The following ZNF888 variants were observed in gnomAD, a reference collection of about 807,000 sequenced individuals.
The protein encoded by ZNF888 is zinc finger protein 888.
In ZNF888, 5 loss-of-function variants were observed where a neutral mutation model predicts 7.2. The ratio of observed to expected loss-of-function variants is 0.70; its 90% CI spans 0.36 to 1.46. The LOEUF (loss-of-function observed/expected upper bound fraction) is 1.46. ZNF888 is among the 40% of genes most tolerant of loss of function. The pLI is 0.03. For synonymous variants in ZNF888, 240 were observed against 284.3 expected, an observed-to-expected ratio of 0.84 and a Z score of 1.57; for missense variants, 716 against 858.0, an observed-to-expected ratio of 0.83 and a Z score of 2.07.
At chr19:52,912,990 C>A (rs2064703960) in intron 4 of ZNF888, among the ~76,000 whole-genome samples, 1 of 152,016 alleles carries the variant, frequency 6.6e-6, no homozygotes, top group South Asian at 2.1e-4. Context: ...GCCTGTAATC[C>A]CAGCTACTCC....
At chr19:52,908,932 A>T (rs1240302406) in intron 4 of ZNF888, among the ~76,000 whole-genome samples, 1 of 151,418 alleles carries the variant, frequency 6.6e-6, no homozygotes, top group Non-Finnish European at 1.5e-5. Context: ...GGATCTCCTC[A>T]GATCAGGAGT....
intron 4 of ZNF888, among the ~76,000 whole-genome samples, chr19:52,912,140 A>G (rs1353716666): frequency 3.1e-4 from 38 of 121,044 alleles, no homozygotes; most frequent in East Asian, 3.0e-3. Context: ...TTGAGACGGA[A>G]TCTTGCTCTG....
Position 52,906,288 on chromosome 19 carries a change from T to C in ZNF888, c.2034A>G (p.Ala678=), listed in dbSNP as rs2064606439. 5 of 1,613,284 alleles carry C rather than the reference T, an allele frequency of 3.1e-6. No homozygotes were observed. In the South Asian group the frequency reaches 4.4e-5, roughly 14 times the overall value. The change falls in exon 5 of 5, where the codon GCA becomes GCG. Residue 678 remains alanine (A), a synonymous_variant. Transcript: ENST00000638862. The part of the protein sequence containing the change: ...DKAFKCYSHL[A]QHTRIHTGEK... ...CTCCAGTATGAATTCTAGTATGTTG[T>C]GCCAGGTGTGAGTAACACTTGAAAG...
Position 52,905,675 on chromosome 19 carries a change from C to T in ZNF888, c.*490G>A, listed in dbSNP as rs1392351136. ...ATGCTTGAACTCAACGTTAAGTCAA[C>T]TCAAACTCAAGTCAATGCTGAACTG... On this transcript the variant is annotated 3_prime_UTR_variant, in exon 5 of 5. Transcript: ENST00000638862. 1 of 411,630 alleles carries T rather than the reference C, an allele frequency of 2.4e-6. No homozygotes were observed. Among genetic ancestry groups the T allele is most frequent in the Non-Finnish European group, 4.9e-6 (1 of 204,132 alleles). The allele number at this position is 411,630 out of a possible 1,614,324, so 25.5% of individuals were successfully genotyped here. A position where few individuals can be genotyped will look rare whatever the true frequency, so the allele number is the denominator to read the frequency against.
intron 4 of ZNF888, among the ~76,000 whole-genome samples, chr19:52,910,166 A>G (rs2064660857): frequency 8.0e-6 from 1 of 124,464 alleles, no homozygotes; most frequent in Admixed American, 9.7e-5. Flanking sequence ...AAAAAAAAAA[A>G]AAAAAAAAAA....
At chr19:52,922,030 G>A (rs899272653) in intron 1 of ZNF888, among the ~76,000 whole-genome samples, 2 of 152,048 alleles carry the variant, frequency 1.3e-5, no homozygotes, top group African/African-American at 4.8e-5. Context: ...AGAATACATA[G>A]GTGGCCAGGT....
intron 4 of ZNF888, 93 bp downstream of exon 4, chr19:52,915,103 A>G: frequency 6.6e-7 from 1 of 1,520,640 alleles, no homozygotes; most frequent in Non-Finnish European, 8.8e-7. Context: ...TACAGCTTCC[A>G]TTTTAGTCAA....
At chr19:52,909,987 C>G (rs2064657355) in intron 4 of ZNF888, among the ~76,000 whole-genome samples, 2 of 151,850 alleles carry the variant, frequency 1.3e-5, no homozygotes, top group Admixed American at 1.3e-4. Flanking sequence ...CATGGTGAAA[C>G]CCCGTCTCAA....
intron 1 of ZNF888, among the ~76,000 whole-genome samples, chr19:52,922,275 A>T (rs533044698): frequency 0.035 from 3,637 of 104,600 alleles, 41 homozygotes; most frequent in South Asian, 0.044. Context: ...ATCTCTCCTG[A>T]GCTCTCCCTG....
At chr19:52,912,389 A>T (rs1353513355) in intron 4 of ZNF888, among the ~76,000 whole-genome samples, 5 of 151,364 alleles carry the variant, frequency 3.3e-5, no homozygotes, top group Admixed American at 6.6e-5. Context: ...CTGGGATTAC[A>T]GGCATGAGCC....
intron 4 of ZNF888, among the ~76,000 whole-genome samples, chr19:52,912,122 A>AT (rs112484109): frequency 0.02 from 2,709 of 138,004 alleles, 53 homozygotes; most frequent in African/African-American, 0.035. Flanking sequence ...CTTTATTTTT[A>AT]TTTTTTTTTG....
rs1173968821 is a variant in ZNF888, at chr19:52,908,120, T to C, written c.202A>G (p.Ile68Val). Residue 68 changes from isoleucine to valine, a missense_variant, in exon 5 of 5, where the codon ATC becomes GTC. Coordinates refer to ENST00000638862, the MANE Select transcript of ZNF888 (RefSeq NM_001393938.1). ...AGTCTTTGCAATGTCCCTGTGTGGA[T>C]CACTTCTGTATTGCCTTTCCCTATT... ...SSIGKGNTEVIHTGTLQRLAS... is the reference protein window; with the variant it reads ...SSIGKGNTEVVHTGTLQRLAS... The C allele has an allele frequency of 3.7e-6, 6 of 1,614,054 alleles. No homozygotes were observed. Among genetic ancestry groups the C allele is most frequent in the Non-Finnish European group, 4.2e-6 (5 of 1,180,032 alleles).
chr19:52,907,598 A>G lies in ZNF888; in HGVS notation c.724T>C (p.Tyr242His). Residue 242 changes from tyrosine (Y) to histidine (H), a missense_variant, in exon 5 of 5, where the codon TAT becomes CAT. Around this residue, in one of 2 missense-constraint regions of ZNF888, gnomAD observed 697 missense variants for 803.4 expected, o/e 0.87. Coordinates refer to ENST00000638862, the MANE Select transcript of ZNF888 (RefSeq NM_001393938.1). ...HQIIHLGEKQ[Y>H]KCDVCGKDFN... is the part of the protein sequence containing the mutation. Reference sequence around the variant, plus strand: ...TCTTTGCCACATACATCACATTTATATTGTTTCTCTCCTAGATGAATTATC... The same window carrying G: ...TCTTTGCCACATACATCACATTTATGTTGTTTCTCTCCTAGATGAATTATC... 6.2e-7 allele frequency: 1 copy of G among 1,605,704 alleles called. No individual in the cohort carries two copies. Among genetic ancestry groups the G allele is most frequent in the Non-Finnish European group, 8.5e-7 (1 of 1,176,790 alleles).
chr19:52,919,193 C>T (rs867518042), intron 1 of ZNF888, among the ~76,000 whole-genome samples: 19 of 23,212 alleles, frequency 8.2e-4, no homozygotes, highest in South Asian at 1.5e-3. Flanking sequence ...CTCCCTCTCC[C>T]TCCACGGTCT....
intron 4 of ZNF888, among the ~76,000 whole-genome samples, chr19:52,911,965 C>A (rs7250224): frequency 2.0e-4 from 29 of 148,424 alleles, no homozygotes; most frequent in Non-Finnish European, 3.9e-4. Context: ...TACAGGCACC[C>A]GCCACCACAC....
At chr19:52,912,508 G>A (rs62116779) in intron 4 of ZNF888, among the ~76,000 whole-genome samples, 76,553 of 146,086 alleles carry the variant, frequency 0.52, 20,926 homozygotes, top group Admixed American at 0.65. Flanking sequence ...GGAGGATCAC[G>A]TGGTCAGGAG....
At position 52,906,722 on chromosome 19, in the gene ZNF888, T is replaced by G. The variant is rs1484635576; in HGVS notation, c.1600A>C (p.Asn534His). The G allele has an allele frequency of 1.2e-6, 2 of 1,607,626 alleles. No homozygotes were observed. Among genetic ancestry groups the G allele is most frequent in the Non-Finnish European group, 1.7e-6 (2 of 1,175,666 alleles). ...CNECGKTFVQ[N>H]SSLVMHKVIH... ...ACCTTATGCATTACAAGAGATGAAT[T>G]TTGAACGAAGGTCTTGCCACACTCA... The change falls in exon 5 of 5, where the codon AAT becomes CAT. Residue 534 changes from asparagine to histidine, a missense_variant. This residue lies in a region of ZNF888 where 697 missense variants were observed against 803.4 expected (regional missense o/e 0.87). Coordinates refer to ENST00000638862, the MANE Select transcript of ZNF888 (RefSeq NM_001393938.1).
At chr19:52,920,340 T>C (rs373109136) in intron 1 of ZNF888, among the ~76,000 whole-genome samples, 8,694 of 60,550 alleles carry the variant, frequency 0.14, 3,204 homozygotes, top group African/African-American at 0.26. Flanking sequence ...TTTTGTTCTG[T>C]ACTAAGAAAA....
chr19:52,914,586 G>A (rs1879010281), intron 4 of ZNF888, among the ~76,000 whole-genome samples: 1 of 152,168 alleles, frequency 6.6e-6, no homozygotes, highest in African/African-American at 2.4e-5. Flanking sequence ...TGTGGACATC[G>A]AGCTCTCTTC....
Sources: gnomAD v4.1 joint callset for allele counts (sites outside exome capture counted in the v4.1 genomes callset) on GRCh38, gnomAD v4.1.1 for gene constraint, gnomAD v4.1.1 regional missense constraint, MANE v1.5 for transcripts, NCBI Gene and HGNC (gene_info 2026-07-23, HGNC 2026-07-21) for gene names.